The following PHF3 variants were observed in gnomAD, a reference collection of about 807,000 sequenced individuals.
PHF3 encodes PHD finger protein 3.
In PHF3, 41 loss-of-function variants were observed where a neutral mutation model predicts 178.4. The ratio of observed to expected loss-of-function variants is 0.23; its 90% CI spans 0.18 to 0.30. The LOEUF is 0.30. Ranked by LOEUF, PHF3 falls within the 10% of genes least tolerant of loss-of-function variation. The probability of loss-of-function intolerance (pLI) is 1.00; values close to 1 mark genes in which losing one functional copy is unlikely to be tolerated. For synonymous variants in PHF3, 842 were observed against 800.5 expected, an observed-to-expected ratio of 1.05 and a Z score of -0.88; for missense variants, 2,346 against 2,398.1, an observed-to-expected ratio of 0.98 and a Z score of 0.45.
chr6:63,656,274 CTA>C (rs1159186736), intron 2 of PHF3, among the ~76,000 whole-genome samples: 1 of 152,134 alleles, frequency 6.6e-6, no homozygotes, highest in African/African-American at 2.4e-5. Context: ...TTTGCATTGA[CTA>C]TTTAATTTTT....
At chr6:63,641,883 C>G (rs1764592098) in intron 1 of PHF3, among the ~76,000 whole-genome samples, 1 of 152,124 alleles carries the variant, frequency 6.6e-6, no homozygotes, top group African/African-American at 2.4e-5. Context: ...CCGCCTCGTC[C>G]TCCCAAAGTG....
At chr6:63,638,324 C>T (rs1028698637) in intron 1 of PHF3, among the ~76,000 whole-genome samples, 2 of 151,796 alleles carry the variant, frequency 1.3e-5, no homozygotes, top group African/African-American at 4.8e-5. Context: ...TAGTATAAGG[C>T]CTACTTGGAA....
intron 2 of PHF3, among the ~76,000 whole-genome samples, chr6:63,668,465 C>T (rs1561952490): frequency 6.6e-6 from 1 of 152,146 alleles, no homozygotes; most frequent in Non-Finnish European, 1.5e-5. Flanking sequence ...TCCCAAGTAG[C>T]TGGGACCACA....
At chr6:63,646,488 A>G in intron 1 of PHF3, 39 bp from the exon 2 acceptor site, 1 of 1,427,902 alleles carries the variant, frequency 7.0e-7, no homozygotes, top group Non-Finnish European at 9.4e-7. Context: ...TTCAATTGAT[A>G]GCTTTATTTC....
At chr6:63,662,035 A>G (rs1202310408) in intron 2 of PHF3, among the ~76,000 whole-genome samples, 1 of 152,170 alleles carries the variant, frequency 6.6e-6, no homozygotes, top group Non-Finnish European at 1.5e-5. Context: ...CAGCGGTGGC[A>G]TTAGATTTTC....
chr6:63,681,041 A>G (rs1254412118), intron 3 of PHF3, among the ~76,000 whole-genome samples: 2 of 152,076 alleles, frequency 1.3e-5, no homozygotes, highest in Non-Finnish European at 2.9e-5. Context: ...TTGTATGTTT[A>G]CCTTGTATTT....
Position 63,713,172 on chromosome 6 carries a change from C to T in PHF3, c.5584C>T (p.Pro1862Ser). The T allele has an allele frequency of 1.9e-6, 3 of 1,614,068 alleles. 1 individual carries two copies. The South Asian group carries it at 3.3e-5, about 18-fold the overall frequency. The stretch of plus-strand genomic sequence containing the variant: ...TCCCTGGCCACCTGTTGTTCATCTC[C>T]CAGGTCAGCCACAGCGTATGATGGG... ...MVPWPPVVHL[P>S]GQPQRMMGPL... is the part of the protein sequence containing the mutation. The change falls in exon 16 of 16, where the codon CCA becomes TCA. Residue 1862 changes from proline to serine, a missense_variant. Pro to Ser is a moderately conservative substitution (Grantham distance 74). Coordinates refer to ENST00000262043, the MANE Select transcript of PHF3 (RefSeq NM_001370348.2).
chr6:63,710,889 C>CA (rs895371865), intron 14 of PHF3, among the ~76,000 whole-genome samples: 1 of 152,124 alleles, frequency 6.6e-6, no homozygotes, highest in African/African-American at 2.4e-5. Context: ...TTGTATCTGT[C>CA]ACCTTCAAAA....
intron 2 of PHF3, among the ~76,000 whole-genome samples, chr6:63,674,806 GTAGAAGTATAA>G (rs1766096704): frequency 6.6e-6 from 1 of 152,138 alleles, no homozygotes; most frequent in African/African-American, 2.4e-5. Context: ...AATAACCGAC[GTAGAAGTATAA>G]TAGTTGAGCT....
At chr6:63,656,709 C>T (rs1041463585) in intron 2 of PHF3, among the ~76,000 whole-genome samples, 1 of 152,114 alleles carries the variant, frequency 6.6e-6, no homozygotes, top group African/African-American at 2.4e-5. Flanking sequence ...TATTTTTTAT[C>T]TATACCCTCT....
At chr6:63,656,044 G>A (rs1324468742) in intron 2 of PHF3, among the ~76,000 whole-genome samples, 1 of 152,218 alleles carries the variant, frequency 6.6e-6, no homozygotes, top group African/African-American at 2.4e-5. Flanking sequence ...ATTGAACTCA[G>A]AGTTAAAACA....
rs1266811838 is a variant in PHF3 at position 63,718,774 on chromosome 6, C to T, written c.*5066C>T. 1.3e-5 allele frequency among the ~76,000 whole-genome samples: 2 copies of T among 151,854 alleles called. No individual in the cohort carries two copies. Among genetic ancestry groups the T allele is most frequent in the African/African-American group, 4.8e-5 (2 of 41,372 alleles). Reference sequence around the variant, plus strand: ...ACTTTATTATGAGAGAACACATGGCCGAATATGATGGGAGTGTGGTTCAGG... The same window carrying T: ...ACTTTATTATGAGAGAACACATGGCTGAATATGATGGGAGTGTGGTTCAGG... On this transcript the variant is annotated 3_prime_UTR_variant, in exon 16 of 16. Transcript: ENST00000262043.
chr6:63,674,761 A>G (rs1056866696), intron 2 of PHF3, among the ~76,000 whole-genome samples: 4 of 152,194 alleles, frequency 2.6e-5, no homozygotes, highest in African/African-American at 4.8e-5. Context: ...TTCCCCCTCA[A>G]GTCTGGTACT....
At chr6:63,707,327 A>T (rs1346052365) in intron 13 of PHF3, among the ~76,000 whole-genome samples, 1 of 152,224 alleles carries the variant, frequency 6.6e-6, no homozygotes, top group East Asian at 1.9e-4. Context: ...AATGTGGTTT[A>T]TGTAGACTGG....
chr6:63,684,620 A>G lies in PHF3; in HGVS notation c.898A>G (p.Ile300Val), dbSNP rs1295684853. The change falls in exon 4 of 16, where the codon ATT (isoleucine) becomes GTT (valine). Residue 300 changes from isoleucine to valine, a missense_variant. Ile to Val is a conservative substitution (Grantham distance 29). Around this residue, in one of 8 missense-constraint regions of PHF3, gnomAD observed 843 missense variants for 795.2 expected, o/e 1.06. Transcript: ENST00000262043. ...DKEEHEQNDS[I>V]SGKTGETVVE... ...AGAAGAACATGAACAAAATGATTCC[A>G]TTTCAGGTAAAACGGGTGAGACTGT... is the stretch of plus-strand genomic sequence containing the variant. The G allele has an allele frequency of 1.2e-6, 2 of 1,613,998 alleles. No individual in the cohort carries two copies. The highest frequency in any genetic ancestry group is 1.1e-5 in the South Asian group (1 of 91,076).
rs762511752 is a variant in PHF3, at chr6:63,720,650, A to C, written c.*6942A>C. On this transcript the variant is annotated 3_prime_UTR_variant, in exon 16 of 16. Coordinates refer to ENST00000262043, the MANE Select transcript of PHF3 (RefSeq NM_001370348.2). ...CATAAACATTGTATCCTTCTAATTT[A>C]ATTAGTTCAATGTTTTTTGGTTCCT... 15 of 1,531,968 alleles carry C rather than the reference A, an allele frequency of 9.8e-6. No individual in the cohort carries two copies. The highest frequency in any genetic ancestry group is 5.3e-6 in the Non-Finnish European group (6 of 1,137,722). 94.9% of individuals were successfully genotyped at this position (1,531,968 alleles called of 1,614,324 possible). A position where few individuals can be genotyped will look rare whatever the true frequency, so the allele number is the denominator to read the frequency against.
At chr6:63,700,255 A>G in intron 8 of PHF3, 95 bp from the exon 9 acceptor site, 1 of 581,628 alleles carries the variant, frequency 1.7e-6, no homozygotes, top group South Asian at 2.5e-5. Context: ...TTTGTAAATC[A>G]GTCTTCAAAA....
chr6:63,662,847 T>G (rs1169284519), intron 2 of PHF3, among the ~76,000 whole-genome samples: 2 of 152,182 alleles, frequency 1.3e-5, no homozygotes, highest in East Asian at 3.8e-4. Flanking sequence ...AAAGCATAAT[T>G]GATGTCATTT....
In PHF3 at chr6:63,709,259, A is replaced by C; in HGVS notation, c.3801+19A>C. On this transcript the variant is annotated intron_variant, in intron 14 of 15. Coordinates refer to ENST00000262043, the MANE Select transcript of PHF3 (RefSeq NM_001370348.2). ...AACCAAGGTGAGGAAAACTTTTTTC[A>C]CTATACCAGCATGGGAAAATGTTTA... 6.9e-7 allele frequency: 1 copy of C among 1,439,586 alleles called. No homozygotes were observed. The highest frequency in any genetic ancestry group is 1.4e-5 in the African/African-American group (1 of 71,116). 89.2% of individuals were successfully genotyped at this position (1,439,586 alleles called of 1,614,324 possible). A position where few individuals can be genotyped will look rare whatever the true frequency, so the allele number is the denominator to read the frequency against.
Sources: allele counts gnomAD v4.1 joint callset (sites outside exome capture counted in the v4.1 genomes callset), GRCh38; gene constraint gnomAD v4.1.1; regional missense constraint gnomAD v4.1.1; transcripts MANE v1.5; gene names NCBI Gene and HGNC (gene_info 2026-07-23, HGNC 2026-07-21).